CEP68: variants seen among roughly 807,000 people sequenced by gnomAD.
CEP68 encodes the protein centrosomal protein of 68 kDa.
In CEP68, 26 loss-of-function variants were observed where a neutral mutation model predicts 55.3. The observed-to-expected ratio is 0.47, with a 90% CI of 0.34 to 0.65. CEP68 has a LOEUF of 0.65. CEP68 is among the 30% of genes least tolerant of loss of function. The pLI is 0.01. For missense variants in CEP68, 957 were observed against 946.7 expected (o/e 1.01, Z -0.14); for synonymous variants, 402 against 383.2 (o/e 1.05, Z -0.57).
chr2:65,080,784 C>T (rs1229614308), intron 5 of CEP68, among the ~76,000 whole-genome samples: 1 of 151,978 alleles, frequency 6.6e-6, no homozygotes, highest in Non-Finnish European at 1.5e-5. Context: ...CGCCACTGTA[C>T]TCCAGCCTGG....
chr2:65,064,685 G>T (rs892772338), intron 1 of CEP68, among the ~76,000 whole-genome samples: 2 of 147,782 alleles, frequency 1.4e-5, no homozygotes, highest in African/African-American at 2.5e-5. Flanking sequence ...AGTGAGCTGA[G>T]ATAGCGCCAC....
At chr2:65,068,436 CTG>C (rs1235588452) in intron 1 of CEP68, among the ~76,000 whole-genome samples, 1 of 152,206 alleles carries the variant, frequency 6.6e-6, no homozygotes, top group African/African-American at 2.4e-5. Context: ...TGCACACATG[CTG>C]TGTTACACTT....
Position 65,072,670 on chromosome 2 carries a change from A to G in CEP68, c.1574A>G (p.Asp525Gly), listed in dbSNP as rs776481763. ...AGCCCCTTGGAAGTGTCAGACAGTG[A>G]TGGGCCAGCTTCCTTCCCTTCAAGC... Reference protein sequence around the residue: ...GQSPLEVSDSDGPASFPSSSS... With the variant: ...GQSPLEVSDSGGPASFPSSSS... The change falls in exon 3 of 7, where the codon GAT becomes GGT. Residue 525 changes from aspartate (D) to glycine (G), a missense_variant. Transcript: ENST00000377990. The G allele has an allele frequency of 6.2e-7, 1 of 1,613,954 alleles. No individual in the cohort carries two copies. The highest frequency in any genetic ancestry group is 1.3e-5 in the African/African-American group (1 of 74,888).
At chr2:65,067,161 TGAGG>T (rs1676230204) in intron 1 of CEP68, among the ~76,000 whole-genome samples, 1 of 151,502 alleles carries the variant, frequency 6.6e-6, no homozygotes, top group African/African-American at 2.4e-5. Context: ...GTGGATTGCC[TGAGG>T]TCAGGAGTTC....
At chr2:65,070,560 G>A (rs937555003) in intron 2 of CEP68, 4 of 152,190 alleles carry the variant, frequency 2.6e-5, no homozygotes, top group African/African-American at 4.8e-5. Flanking sequence ...CACCCTGTGA[G>A]GAGGCTCTGA....
At chr2:65,079,825 G>A (rs1676924330) in intron 5 of CEP68, among the ~76,000 whole-genome samples, 2 of 152,200 alleles carry the variant, frequency 1.3e-5, no homozygotes, top group South Asian at 4.1e-4. Flanking sequence ...TCTCTTCACA[G>A]AGGCCATGTG....
Position 65,069,572 on chromosome 2 carries a change from C to A in CEP68, c.128C>A (p.Pro43Gln). 6.2e-7 allele frequency: 1 copy of A among 1,613,270 alleles called. No individual in the cohort carries two copies. Among genetic ancestry groups the A allele is most frequent in the South Asian group, 1.1e-5 (1 of 91,038 alleles). ...GGGCCCATGAGTGGGGAGCAGCCCCCACGCCTGGAAGCTGAGGGAGGGCTC... is the reference window on the plus strand; with the variant it reads ...GGGCCCATGAGTGGGGAGCAGCCCCAACGCCTGGAAGCTGAGGGAGGGCTC... Reference protein sequence around the residue: ...IPGPMSGEQPPRLEAEGGLIS... With the variant: ...IPGPMSGEQPQRLEAEGGLIS... Residue 43 changes from proline to glutamine, a missense_variant, in exon 2 of 7, where the codon CCA (proline) becomes CAA (glutamine). Pro to Gln is a moderately conservative substitution (Grantham distance 76). Coordinates refer to ENST00000377990, the MANE Select transcript of CEP68 (RefSeq NM_015147.3).
intron 3 of CEP68, 145 bp from the exon 4 acceptor site, chr2:65,074,137 G>A: frequency 1.2e-6 from 1 of 861,496 alleles, no homozygotes; most frequent in Non-Finnish European, 1.8e-6. Flanking sequence ...ACAGAGTCGT[G>A]GAGTCGGGAC....
Position 65,072,026 on chromosome 2 carries a change from G to A in CEP68, c.930G>A (p.Arg310=), listed in dbSNP as rs1160262803. Reference sequence around the variant, plus strand: ...TGCTTGACTATACTTACCCACTGAGGCCCGGGCCTCAGCTCCCAAAGCACC... The same window carrying A: ...TGCTTGACTATACTTACCCACTGAGACCCGGGCCTCAGCTCCCAAAGCACC... ...EDLLDYTYPL[R]PGPQLPKHLD... Residue 310 remains arginine, a synonymous_variant, in exon 3 of 7, where the codon AGG becomes AGA. Transcript: ENST00000377990. 6.2e-7 allele frequency: 1 copy of A among 1,613,286 alleles called. No homozygotes were observed. The highest frequency in any genetic ancestry group is 2.2e-5 in the East Asian group (1 of 44,842).
chr2:65,062,517 A>G (rs1383408153), intron 1 of CEP68, among the ~76,000 whole-genome samples: 1 of 125,862 alleles, frequency 7.9e-6, no homozygotes. Flanking sequence ...TGGGCGACAG[A>G]GTGAGACTCC....
intron 1 of CEP68, among the ~76,000 whole-genome samples, chr2:65,062,795 C>G (rs976775257): frequency 2.0e-5 from 3 of 152,070 alleles, no homozygotes; most frequent in African/African-American, 4.8e-5. Context: ...CAAGATCGTG[C>G]CACTGCACTC....
Position 65,071,677 on chromosome 2 carries a change from C to G in CEP68, c.581C>G (p.Ser194Cys). ...AGCCCAGGTTCCGCAGCTCAGCCTT[C>G]CAGCTGCAGCATCTCTGCTTCCTCC... Reference protein sequence around the residue: ...VLSPGSAAQPSSCSISASSTG... With the variant: ...VLSPGSAAQPCSCSISASSTG... Residue 194 changes from serine (S) to cysteine (C), a missense_variant, in exon 3 of 7, where the codon TCC becomes TGC. Coordinates refer to ENST00000377990, the MANE Select transcript of CEP68 (RefSeq NM_015147.3). 1 of 1,614,198 alleles carries G rather than the reference C, an allele frequency of 6.2e-7. No homozygotes were observed. Among genetic ancestry groups the G allele is most frequent in the Non-Finnish European group, 8.5e-7 (1 of 1,180,042 alleles).
Position 65,071,930 on chromosome 2 carries a change from G to C in CEP68, c.834G>C (p.Leu278=), listed in dbSNP as rs767907209. 1.3e-5 allele frequency: 21 copies of C among 1,612,986 alleles called. 1 individual carries two copies. In the Middle Eastern group the frequency reaches 9.9e-4, roughly 76 times the overall value. The change falls in exon 3 of 7, where the codon CTG becomes CTC. Residue 278 remains leucine (L), a synonymous_variant. Coordinates refer to ENST00000377990, the MANE Select transcript of CEP68 (RefSeq NM_015147.3). ...SFQAEYWACV[L]PDSLPPSPDR... is the part of the protein sequence containing the mutation. ...AGGCTGAGTACTGGGCCTGTGTGCT[G>C]CCAGATTCCCTGCCTCCATCACCCG...
rs1177870346 is a variant in CEP68 at position 65,084,534 on chromosome 2, A to AG, written c.*900_*901insG. 6.6e-6 allele frequency: 1 copy of AG among 151,732 alleles called. No homozygotes were observed. Among genetic ancestry groups the AG allele is most frequent in the African/African-American group, 2.4e-5 (1 of 41,296 alleles). The allele number at this position is 151,732 out of a possible 1,614,324, so 9.4% of individuals were successfully genotyped here. ...TAAGTACTTTGATTAAAAAAAAAAA[A>AG]AACTATGGATCAACCATTCAAAGCA... On this transcript the variant is annotated 3_prime_UTR_variant, in exon 7 of 7. Transcript: ENST00000377990.
At chr2:65,080,885 C>T (rs1676979246) in intron 5 of CEP68, among the ~76,000 whole-genome samples, 2 of 151,962 alleles carry the variant, frequency 1.3e-5, no homozygotes, top group Admixed American at 6.6e-5. Context: ...TCTGTGACAT[C>T]GCACAAGAAG....
Position 65,072,627 on chromosome 2 carries a change from G to A in CEP68, c.1531G>A (p.Gly511Arg), listed in dbSNP as rs2103778108. 2 of 1,614,104 alleles carry A rather than the reference G, an allele frequency of 1.2e-6. No homozygotes were observed. ...TTCTACCTTGGTTACCCTGCCCACT[G>A]GGGATATCAAAGGGCAGAGCCCCTT... is the stretch of plus-strand genomic sequence containing the variant. ...SISTLVTLPT[G>R]DIKGQSPLEV... The change falls in exon 3 of 7, where the codon GGG (glycine) becomes AGG (arginine). Residue 511 changes from glycine (G) to arginine (R), a missense_variant. By Grantham distance (125) the Gly-to-Arg change is moderately radical. Coordinates refer to ENST00000377990, the MANE Select transcript of CEP68 (RefSeq NM_015147.3).
Position 65,071,329 on chromosome 2 carries a change from CTT to C in CEP68, c.358-123_358-122del, listed in dbSNP as rs1184169294. 6.6e-6 allele frequency: 5 copies of C among 759,860 alleles called. No individual in the cohort carries two copies. The African/African-American group carries it at 8.7e-5, about 13-fold the overall frequency. 47.1% of individuals were successfully genotyped at this position (759,860 alleles called of 1,614,324 possible). A position where few individuals can be genotyped will look rare whatever the true frequency, so the allele number is the denominator to read the frequency against. ...CCTGGTTCTTGCCTCAGGCAGCAGA[CTT>C]TGCATTTTAAGGTCTTTCCTAAATA... On this transcript the variant is annotated intron_variant, in intron 2 of 6. Transcript: ENST00000377990.
At chr2:65,064,733 C>CAAA (rs766499382) in intron 1 of CEP68, among the ~76,000 whole-genome samples, 25 of 94,682 alleles carry the variant, frequency 2.6e-4, no homozygotes, top group African/African-American at 5.9e-4. Context: ...GACTCCGTCT[C>CAAA]AAAAAAAAAA....
intron 1 of CEP68, among the ~76,000 whole-genome samples, chr2:65,066,680 T>C (rs1455524597): frequency 1.6e-5 from 2 of 125,952 alleles, no homozygotes; most frequent in Non-Finnish European, 3.1e-5. Context: ...TGAGCCGAGA[T>C]CACACCACTG....
Sources: gnomAD v4.1 joint callset for allele counts (sites outside exome capture counted in the v4.1 genomes callset) on GRCh38, gnomAD v4.1.1 for gene constraint, MANE v1.5 for transcripts, NCBI Gene and HGNC (gene_info 2026-07-23, HGNC 2026-07-21) for gene names.